NAV3: variants seen among roughly 807,000 people sequenced by gnomAD.
NAV3 encodes pore membrane and/or filament interacting like protein 1.
Under a neutral mutation model 244.7 loss-of-function variants are expected in NAV3, and 87 were observed. The ratio of observed to expected loss-of-function variants is 0.36; its 90% CI spans 0.30 to 0.42. The LOEUF (loss-of-function observed/expected upper bound fraction) is 0.42. Among genes scored for constraint, NAV3 ranks in the 20% least tolerant of loss-of-function variants. The pLI is 1.00. For synonymous variants in NAV3, 1,126 were observed against 1,042.2 expected, an observed-to-expected ratio of 1.08 and a Z score of -1.55; for missense variants, 2,663 against 2,893.3, an observed-to-expected ratio of 0.92 and a Z score of 1.83.
intron 1 of NAV3, among the ~76,000 whole-genome samples, chr12:77,888,711 TA>T (rs1228584788): frequency 1.3e-5 from 2 of 152,152 alleles, no homozygotes; most frequent in African/African-American, 4.8e-5. Context: ...TTATGCTGAT[TA>T]AGAATGACCT....
chr12:77,697,632 A>G (rs572122476), intron 2 of NAV3, among the ~76,000 whole-genome samples: 2 of 152,238 alleles, frequency 1.3e-5, no homozygotes, highest in South Asian at 4.1e-4. Context: ...TCATTTTATT[A>G]ATCACTCATG....
intron 2 of NAV3, among the ~76,000 whole-genome samples, chr12:77,801,445 G>A (rs1370759261): frequency 6.6e-6 from 1 of 152,018 alleles, no homozygotes; most frequent in Non-Finnish European, 1.5e-5. Context: ...TACATGCTGA[G>A]AAAGAGGGGA....
chr12:77,628,028 T>C (rs908120695), intron 2 of NAV3, among the ~76,000 whole-genome samples: 1 of 152,030 alleles, frequency 6.6e-6, no homozygotes, highest in African/African-American at 2.4e-5. Flanking sequence ...TAGGAGGTGG[T>C]GAAGAGTGAT....
chr12:78,102,917 T>G (rs1332940325), intron 12 of NAV3, among the ~76,000 whole-genome samples: 1 of 152,130 alleles, frequency 6.6e-6, no homozygotes, highest in South Asian at 2.1e-4. Flanking sequence ...CTCAAAATCA[T>G]TTTTTCCTCC....
chr12:78,070,798 C>T (rs375878148), intron 12 of NAV3, among the ~76,000 whole-genome samples: 4 of 147,978 alleles, frequency 2.7e-5, no homozygotes, highest in South Asian at 2.2e-4. Flanking sequence ...TGAGAATATG[C>T]GGTGTTTGGT....
At chr12:77,585,609 G>T (rs1272413726) in intron 2 of NAV3, among the ~76,000 whole-genome samples, 1 of 152,132 alleles carries the variant, frequency 6.6e-6, no homozygotes, top group African/African-American at 2.4e-5. Context: ...AGCTCAGAAC[G>T]TAGATCCCTT....
chr12:78,079,399 C>T (rs1209052541), intron 12 of NAV3, among the ~76,000 whole-genome samples: 1 of 151,978 alleles, frequency 6.6e-6, no homozygotes, highest in Non-Finnish European at 1.5e-5. Context: ...TTTTATTAGC[C>T]TGCTATTGAT....
chr12:77,575,070 T>G (rs1238199479), intron 2 of NAV3, among the ~76,000 whole-genome samples: 1 of 148,810 alleles, frequency 6.7e-6, no homozygotes, highest in Non-Finnish European at 1.5e-5. Context: ...TATAAATATG[T>G]ATTTAAAATA....
chr12:77,988,794 C>T (rs1203344079), intron 5 of NAV3, among the ~76,000 whole-genome samples: 1 of 152,098 alleles, frequency 6.6e-6, no homozygotes, highest in Non-Finnish European at 1.5e-5. Context: ...TACATGTCAC[C>T]TGTGTCTGTT....
chr12:77,795,383 T>A (rs1487858183), intron 2 of NAV3, among the ~76,000 whole-genome samples: 1 of 151,982 alleles, frequency 6.6e-6, no homozygotes, highest in Non-Finnish European at 1.5e-5. Context: ...GTTCATGAGG[T>A]ATAAGGAATG....
chr12:77,896,938 C>G (rs1048351108), intron 1 of NAV3, among the ~76,000 whole-genome samples: 2 of 152,180 alleles, frequency 1.3e-5, no homozygotes, highest in African/African-American at 2.4e-5. Flanking sequence ...AGATCTACAT[C>G]AGACTCTTCA....
chr12:77,700,008 T>TG (rs1489543399), intron 2 of NAV3, among the ~76,000 whole-genome samples: 1 of 152,160 alleles, frequency 6.6e-6, no homozygotes, highest in Non-Finnish European at 1.5e-5. Flanking sequence ...AGGCCTATAG[T>TG]CTAATCTATG....
In NAV3 at chr12:78,006,561, C is replaced by T. The variant is rs2136559892; in HGVS notation, c.1023C>T (p.His341=). The T allele has an allele frequency of 6.2e-7, 1 of 1,614,098 alleles. No individual in the cohort carries two copies. Among genetic ancestry groups the T allele is most frequent in the Non-Finnish European group, 8.5e-7 (1 of 1,180,028 alleles). ...GCAGCAAGTCCATGAATGTCAAACACAGTGCCACCTCCACCATGTTGACTG... is the reference window on the plus strand; with the variant it reads ...GCAGCAAGTCCATGAATGTCAAACATAGTGCCACCTCCACCATGTTGACTG... ...PWRSKSMNVK[H]SATSTMLTVK... Residue 341 remains histidine, a synonymous_variant, in exon 8 of 40, where the codon CAC becomes CAT. Coordinates refer to ENST00000397909, the MANE Select transcript of NAV3 (RefSeq NM_001024383.2).
At chr12:77,745,703 A>C (rs1222181653) in intron 2 of NAV3, among the ~76,000 whole-genome samples, 1 of 152,020 alleles carries the variant, frequency 6.6e-6, no homozygotes, top group African/African-American at 2.4e-5. Flanking sequence ...TGCAATAAGG[A>C]GTCAATTAGG....
At chr12:78,140,714 T>A (rs770477123) in intron 20 of NAV3, among the ~76,000 whole-genome samples, 16 of 152,164 alleles carry the variant, frequency 1.1e-4, no homozygotes, top group Non-Finnish European at 1.8e-4. Flanking sequence ...CTGTTAATTG[T>A]TCTATAGTAT....
At chr12:77,718,744 G>A (rs925722969) in intron 2 of NAV3, among the ~76,000 whole-genome samples, 5 of 151,868 alleles carry the variant, frequency 3.3e-5, no homozygotes, top group African/African-American at 7.2e-5. Context: ...TGCAACCTCC[G>A]CCTCCTGGGT....
chr12:77,586,461 T>G lies in NAV3; in HGVS notation c.72+14195T>G, dbSNP rs989121705. On this transcript the variant is annotated intron_variant, in intron 2 of 8. Transcript: ENST00000550042. ...AGATAATGGGCTTTTCATATACTTG[T>G]TTACAAACATAATTAAAAATGGGCT... 4.6e-5 allele frequency among the ~76,000 whole-genome samples: 7 copies of G among 152,308 alleles called. 1 individual carries two copies. The highest frequency in any genetic ancestry group is 8.8e-5 in the Non-Finnish European group (6 of 68,018).
At chr12:77,961,592 A>AAT (rs71088350) in intron 3 of NAV3, among the ~76,000 whole-genome samples, 16,839 of 137,318 alleles carry the variant, frequency 0.12, 1,127 homozygotes, top group South Asian at 0.15. Context: ...ATGTATCTGT[A>AAT]ATATATATAT....
chr12:77,816,360 A>C (rs78535606), intron 2 of NAV3, among the ~76,000 whole-genome samples: 2,425 of 152,306 alleles, frequency 0.016, 62 homozygotes, highest in African/African-American at 0.056. Flanking sequence ...CAGTAAAGTG[A>C]AAATGGGAAG....
Sources: allele counts gnomAD v4.1 joint callset (sites outside exome capture counted in the v4.1 genomes callset), GRCh38; gene constraint gnomAD v4.1.1; transcripts MANE v1.5; gene names NCBI Gene and HGNC (gene_info 2026-07-23, HGNC 2026-07-21).